Variants in ARK2C observed in about 807,000 individuals in gnomAD.
The protein encoded by ARK2C is E3 ubiquitin-protein ligase ARK2C.
At chr18:46,443,176 T>C in the ARK2C span, among the ~76,000 whole-genome samples, 1 of 152,208 alleles carries the variant, frequency 6.6e-6, no homozygotes, top group Non-Finnish European at 1.5e-5. Context: ...CTCTTTCTTT[T>C]CTCTTTCTTC....
chr18:46,388,767 TC>T, the ARK2C span, among the ~76,000 whole-genome samples: 3 of 152,236 alleles, frequency 2.0e-5, no homozygotes, highest in South Asian at 6.2e-4. Context: ...CAAAGCAATT[TC>T]CATTTCCCGA....
chr18:46,413,492 C>A, the ARK2C span, among the ~76,000 whole-genome samples: 1 of 152,094 alleles, frequency 6.6e-6, no homozygotes, highest in Admixed American at 6.6e-5. Context: ...ACCACATCTG[C>A]CTTGTCTTAT....
chr18:46,400,079 C>G, the ARK2C span, among the ~76,000 whole-genome samples: 1 of 152,204 alleles, frequency 6.6e-6, no homozygotes, highest in Non-Finnish European at 1.5e-5. Flanking sequence ...GGGACCCCCA[C>G]GGTACCTCTT....
the ARK2C span, among the ~76,000 whole-genome samples, chr18:46,367,478 T>C: frequency 6.6e-6 from 1 of 152,198 alleles, no homozygotes; most frequent in African/African-American, 2.4e-5. Flanking sequence ...TGTTCATTTG[T>C]GCCAAAGCCT....
At chr18:46,386,524 A>G in the ARK2C span, 2 of 147,934 alleles carry the variant, frequency 1.4e-5, no homozygotes, top group African/African-American at 5.0e-5. Context: ...TTGCTAAGCT[A>G]TCTTATGTCT....
At chr18:46,352,465 T>A in the ARK2C span, among the ~76,000 whole-genome samples, 1 of 152,166 alleles carries the variant, frequency 6.6e-6, no homozygotes, top group Non-Finnish European at 1.5e-5. Context: ...AGATGTAAGT[T>A]TGGCTGTGGT....
the ARK2C span, among the ~76,000 whole-genome samples, chr18:46,342,514 A>T: frequency 0.014 from 2,197 of 152,108 alleles, 51 homozygotes; most frequent in African/African-American, 0.05. Flanking sequence ...TGGACCAGAA[A>T]CTCTCCAGAG....
chr18:46,409,507 C>T, the ARK2C span, among the ~76,000 whole-genome samples: 9 of 152,168 alleles, frequency 5.9e-5, no homozygotes, highest in African/African-American at 1.9e-4. Flanking sequence ...GTAGAAGAGA[C>T]GTCTGACTCT....
At chr18:46,348,807 C>T in the ARK2C span, among the ~76,000 whole-genome samples, 1 of 151,998 alleles carries the variant, frequency 6.6e-6, no homozygotes, top group African/African-American at 2.4e-5. Flanking sequence ...AAATTAAAGT[C>T]CCTGGTAAGT....
the ARK2C span, among the ~76,000 whole-genome samples, chr18:46,376,636 G>A: frequency 7.5e-6 from 1 of 132,664 alleles, no homozygotes; most frequent in African/African-American, 2.8e-5. Context: ...TTTATTTGAA[G>A]TTAGTTCAGC....
the ARK2C span, among the ~76,000 whole-genome samples, chr18:46,340,646 C>G: frequency 7.2e-5 from 11 of 152,234 alleles, no homozygotes; most frequent in Non-Finnish European, 1.2e-4. Context: ...CTAGCCCAGT[C>G]TTGACCTGGA....
At chr18:46,366,077 G>T in the ARK2C span, among the ~76,000 whole-genome samples, 1 of 151,972 alleles carries the variant, frequency 6.6e-6, no homozygotes, top group African/African-American at 2.4e-5. Context: ...CGGATCACCT[G>T]AGGTCAGGAG....
the ARK2C span, among the ~76,000 whole-genome samples, chr18:46,391,947 C>T: frequency 8.9e-3 from 1,348 of 151,780 alleles, 20 homozygotes; most frequent in African/African-American, 0.031. Flanking sequence ...ACAACACACA[C>T]GCACATGACA....
the ARK2C span, among the ~76,000 whole-genome samples, chr18:46,387,293 G>A: frequency 1.3e-5 from 2 of 152,178 alleles, no homozygotes; most frequent in Admixed American, 1.3e-4. Context: ...GTGGGTGAGG[G>A]GGTTGGGGAT....
the ARK2C span, among the ~76,000 whole-genome samples, chr18:46,356,468 A>AGCAGAGC: frequency 6.6e-6 from 1 of 152,060 alleles, no homozygotes; most frequent in South Asian, 2.1e-4. Context: ...TCAGTGTGAT[A>AGCAGAGC]TTTACCAGAG....
At chr18:46,456,466 C>A in the ARK2C span, 1 of 1,315,424 alleles carries the variant, frequency 7.6e-7, no homozygotes, top group Non-Finnish European at 1.1e-6. Flanking sequence ...CCCTGCTCCG[C>A]TCAGTGTCCC....
At chr18:46,356,895 C>T in the ARK2C span, among the ~76,000 whole-genome samples, 2 of 152,182 alleles carry the variant, frequency 1.3e-5, no homozygotes, top group African/African-American at 2.4e-5. Flanking sequence ...AAAAGGCTTC[C>T]TCTGGAACCA....
the ARK2C span, among the ~76,000 whole-genome samples, chr18:46,346,217 G>A: frequency 3.1e-4 from 47 of 152,286 alleles, no homozygotes; most frequent in East Asian, 7.1e-3. Flanking sequence ...GCCAGGAGAC[G>A]GAGAGAACCC....
the ARK2C span, among the ~76,000 whole-genome samples, chr18:46,399,434 G>A: frequency 1.3e-5 from 2 of 152,222 alleles, no homozygotes; most frequent in African/African-American, 4.8e-5. Flanking sequence ...GGGAATGTGT[G>A]CATTTGTACT....
Sources: allele counts gnomAD v4.1 joint callset (sites outside exome capture counted in the v4.1 genomes callset), GRCh38; gene constraint gnomAD v4.1.1; transcripts MANE v1.5; gene names NCBI Gene and HGNC (gene_info 2026-07-23, HGNC 2026-07-21).